The following EPB41L4A variants were observed in gnomAD, a reference collection of about 807,000 sequenced individuals.
EPB41L4A encodes band 4.1-like protein 4A.
EPB41L4A carries 100 observed loss-of-function variants against 108.6 expected under a neutral mutation model. The ratio of observed to expected loss-of-function variants is 0.92; its 90% confidence interval spans 0.78 to 1.09. The LOEUF is 1.09. Among genes scored for constraint, EPB41L4A ranks in the 50% least tolerant of loss-of-function variants. The pLI is 0.00. For synonymous variants in EPB41L4A, 319 were observed against 289.0 expected (o/e 1.10, Z -1.05); for missense variants, 1,030 against 842.7 (o/e 1.22, Z -2.75).
At chr5:112,290,496 A>G (rs556999539) in intron 2 of EPB41L4A, among the ~76,000 whole-genome samples, 1 of 152,318 alleles carries the variant, frequency 6.6e-6, no homozygotes, top group Admixed American at 6.5e-5. Context: ...AGATTCCTTG[A>G]GAAAGTCCTG....
intron 16 of EPB41L4A, among the ~76,000 whole-genome samples, chr5:112,195,218 CAG>C (rs956730035): frequency 2.6e-5 from 4 of 152,074 alleles, no homozygotes; most frequent in African/African-American, 9.7e-5. Flanking sequence ...AGAAACTATG[CAG>C]AGAGGTCCCA....
At chr5:112,350,612 C>G (rs1374553002) in intron 1 of EPB41L4A, among the ~76,000 whole-genome samples, 1 of 152,178 alleles carries the variant, frequency 6.6e-6, no homozygotes, top group African/African-American at 2.4e-5. Context: ...ATTAACCTAT[C>G]TCTCTTCATT....
chr5:112,412,373 G>C (rs1023368187), intron 1 of EPB41L4A, among the ~76,000 whole-genome samples: 1 of 152,228 alleles, frequency 6.6e-6, no homozygotes, highest in Non-Finnish European at 1.5e-5. Context: ...CTCTTTGCAA[G>C]AGTGTGTAGT....
intron 1 of EPB41L4A, among the ~76,000 whole-genome samples, chr5:112,380,615 T>C (rs1760109811): frequency 6.6e-6 from 1 of 152,050 alleles, no homozygotes; most frequent in Non-Finnish European, 1.5e-5. Context: ...AGAGAATAAC[T>C]TCAAAAACAG....
chr5:112,165,234 G>A (rs1580350007), intron 22 of EPB41L4A, 116 bp from the exon 23 acceptor site: 1 of 745,158 alleles, frequency 1.3e-6, no homozygotes, highest in East Asian at 2.6e-5. Flanking sequence ...TAATTCAAAA[G>A]TTTCATAATA....
chr5:112,330,340 T>C (rs984044533), intron 1 of EPB41L4A, among the ~76,000 whole-genome samples: 1 of 152,098 alleles, frequency 6.6e-6, no homozygotes, highest in Non-Finnish European at 1.5e-5. Context: ...ACAATCAGTG[T>C]CTCGGTTTTG....
Position 112,179,167 on chromosome 5 carries a change from G to T in EPB41L4A, c.1622+4849C>A, listed in dbSNP as rs146990858. Among the ~76,000 whole-genome samples, 342 of 152,030 alleles carry T rather than the reference G, an allele frequency of 2.2e-3. 17 individuals are homozygous for T. The East Asian group carries it at 0.063, about 28-fold the overall frequency. On this transcript the variant is annotated intron_variant, in intron 18 of 22. Coordinates refer to ENST00000261486, the MANE Select transcript of EPB41L4A (RefSeq NM_022140.5). The stretch of plus-strand genomic sequence containing the variant: ...AAACTTACACATAAGTATAAAATAT[G>T]AATATCTCAATATCTGTCAAAGAAA...
At chr5:112,280,473 A>G in intron 2 of EPB41L4A, 150 bp from the exon 3 acceptor site, 1 of 693,334 alleles carries the variant, frequency 1.4e-6, no homozygotes, top group Non-Finnish European at 2.5e-6. Context: ...CATACATAAG[A>G]GTTTTCTGCA....
In EPB41L4A at chr5:112,268,600, A is replaced by G. The variant is rs1752036538; in HGVS notation, c.336-2270T>C. The stretch of plus-strand genomic sequence containing the variant: ...CACAGTGGTTCACACCTGTAACCCC[A>G]GTATTTTGGGAGGCTGTGGAAAGAG... On this transcript the variant is annotated intron_variant, in intron 4 of 22. Coordinates refer to ENST00000261486, the MANE Select transcript of EPB41L4A (RefSeq NM_022140.5). Among the ~76,000 whole-genome samples the G allele has an allele frequency of 2.0e-5, 3 of 152,190 alleles. No homozygotes were observed. In the South Asian group the frequency reaches 6.3e-4, roughly 32 times the overall value.
rs370256515 is a variant in EPB41L4A at position 112,259,291 on chromosome 5, G to A, written c.733C>T (p.Pro245Ser). 6 of 1,613,330 alleles carry A rather than the reference G, an allele frequency of 3.7e-6. No individual in the cohort carries two copies. Among genetic ancestry groups the A allele is most frequent in the Non-Finnish European group, 5.1e-6 (6 of 1,179,464 alleles). Reference sequence around the variant, plus strand: ...TTGAAGTGAACCTTTGTAATCCGAGGCCTAAAAAACAAAGCAGATGGTGTT... The same window carrying A: ...TTGAAGTGAACCTTTGTAATCCGAGACCTAAAAAACAAAGCAGATGGTGTT... ...NKKQVGKYFWPRITKVHFKET... is the reference protein window; with the variant it reads ...NKKQVGKYFWSRITKVHFKET... Residue 245 changes from proline (P) to serine (S), a missense_variant and splice_region_variant, in exon 9 of 23, where the codon CCT (proline) becomes TCT (serine). Transcript: ENST00000261486.
intron 9 of EPB41L4A, among the ~76,000 whole-genome samples, chr5:112,251,217 C>A (rs1750641603): frequency 6.6e-6 from 1 of 152,150 alleles, no homozygotes; most frequent in Non-Finnish European, 1.5e-5. Flanking sequence ...GAAGCCTGGG[C>A]ATAAGGCAAT....
chr5:112,410,195 T>C (rs1161549252), intron 1 of EPB41L4A, among the ~76,000 whole-genome samples: 2 of 152,034 alleles, frequency 1.3e-5, no homozygotes, highest in Non-Finnish European at 2.9e-5. Context: ...ATTCAGAGAC[T>C]AGGAAGCAGC....
intron 9 of EPB41L4A, among the ~76,000 whole-genome samples, chr5:112,244,245 A>C (rs552536396): frequency 5.9e-5 from 9 of 152,342 alleles, no homozygotes; most frequent in Admixed American, 5.2e-4. Context: ...GAGCAGTCAG[A>C]ACACATGCAT....
intron 2 of EPB41L4A, among the ~76,000 whole-genome samples, chr5:112,302,994 G>A (rs1217908698): frequency 9.9e-5 from 15 of 152,078 alleles, no homozygotes. Flanking sequence ...TAAAGTCAAA[G>A]GGTTACCTAA....
intron 1 of EPB41L4A, among the ~76,000 whole-genome samples, chr5:112,361,763 T>TGTGG (rs1411473838): frequency 2.0e-5 from 3 of 151,644 alleles, no homozygotes; most frequent in African/African-American, 7.3e-5. Flanking sequence ...GGTGTGCACC[T>TGTGG]GTGGTCACAT....
intron 1 of EPB41L4A, among the ~76,000 whole-genome samples, chr5:112,337,340 C>T (rs1256936238): frequency 6.6e-6 from 1 of 152,226 alleles, no homozygotes; most frequent in Admixed American, 6.5e-5. Context: ...TCCGGTACCA[C>T]ATCCCCTATG....
At chr5:112,417,595 A>T (rs1276524037) in intron 1 of EPB41L4A, among the ~76,000 whole-genome samples, 1 of 152,176 alleles carries the variant, frequency 6.6e-6, no homozygotes, top group East Asian at 1.9e-4. Context: ...GAGAGGAGAA[A>T]TATTTTGGAA....
chr5:112,413,883 A>G (rs1762553596), intron 1 of EPB41L4A, among the ~76,000 whole-genome samples: 2 of 152,186 alleles, frequency 1.3e-5, no homozygotes, highest in South Asian at 4.1e-4. Context: ...TAAGTCAAAC[A>G]ATGAAGCTTG....
intron 12 of EPB41L4A, among the ~76,000 whole-genome samples, chr5:112,226,481 C>A (rs1425750113): frequency 1.3e-5 from 2 of 152,172 alleles, no homozygotes; most frequent in Non-Finnish European, 2.9e-5. Flanking sequence ...GTAGGCCTGG[C>A]AGCTAATTAC....
Sources: gnomAD v4.1 joint callset for allele counts (sites outside exome capture counted in the v4.1 genomes callset) on GRCh38, gnomAD v4.1.1 for gene constraint, MANE v1.5 for transcripts, NCBI Gene and HGNC (gene_info 2026-07-23, HGNC 2026-07-21) for gene names.